Variants in PLA2G5 observed in about 807,000 individuals in gnomAD.
PLA2G5 encodes the protein Ca2+-dependent phospholipase A2.
PLA2G5 carries 12 observed loss-of-function variants against 15.9 expected under a neutral mutation model. The observed-to-expected ratio is 0.76, with a 90% CI of 0.48 to 1.23. PLA2G5 has a LOEUF of 1.23. Ranked by LOEUF, PLA2G5 falls within the 50% of genes most tolerant of loss-of-function variation. PLA2G5 has a pLI of 0.00. For synonymous variants in PLA2G5, 71 were observed against 71.4 expected (o/e 0.99, Z 0.03); for missense variants, 169 against 177.1 (o/e 0.95, Z 0.26).
In PLA2G5 at chr1:20,090,576, C is replaced by T. The variant is rs546917220; in HGVS notation, c.301C>T (p.Pro101Ser). The change falls in exon 5 of 5, where the codon CCC (proline) becomes TCC (serine). Residue 101 changes from proline to serine, a missense_variant. By Grantham distance (74) the Pro-to-Ser change is moderately conservative. Coordinates refer to ENST00000375108, the MANE Select transcript of PLA2G5 (RefSeq NM_000929.3). ...AWGVVTCEPG[P>S]FCHVNLCACD... is the part of the protein sequence containing the mutation. ...TTGGTGTCCTTTTGCAGAGCCCGGG[C>T]CCTTCTGCCATGTGAACCTCTGTGC... 6.2e-7 allele frequency: 1 copy of T among 1,614,076 alleles called. No homozygotes were observed. The highest frequency in any genetic ancestry group is 1.3e-5 in the African/African-American group (1 of 75,026).
intron 1 of PLA2G5, among the ~76,000 whole-genome samples, chr1:20,081,696 G>A (rs543861103): frequency 6.6e-6 from 1 of 151,916 alleles, no homozygotes; most frequent in African/African-American, 2.4e-5. Context: ...AAGGTGGCCC[G>A]GGTGTACCAA....
At chr1:20,048,493 C>T (rs2014028142) in intron 1 of PLA2G5, among the ~76,000 whole-genome samples, 2 of 152,202 alleles carry the variant, frequency 1.3e-5, no homozygotes, top group Admixed American at 6.5e-5. Flanking sequence ...AAACTAGCTA[C>T]ATCTTGAATT....
chr1:20,066,974 C>T (rs1394059825), upstream of PLA2G5, among the ~76,000 whole-genome samples: 1 of 150,218 alleles, frequency 6.7e-6, no homozygotes, highest in Non-Finnish European at 1.5e-5. Flanking sequence ...CCACTGCATT[C>T]CAGCCTGAGT....
intron 1 of PLA2G5, among the ~76,000 whole-genome samples, chr1:20,056,327 C>G (rs1412887120): frequency 6.6e-6 from 1 of 151,906 alleles, no homozygotes; most frequent in African/African-American, 2.4e-5. Context: ...CTGGCTGCAT[C>G]TAGTTGGCCA....
intron 1 of PLA2G5, among the ~76,000 whole-genome samples, chr1:20,039,691 A>G (rs1052460306): frequency 2.0e-5 from 3 of 152,018 alleles, no homozygotes; most frequent in Non-Finnish European, 4.4e-5. Context: ...GAGAGAGAGA[A>G]GCCATTTTTT....
upstream of PLA2G5, among the ~76,000 whole-genome samples, chr1:20,065,367 C>T (rs2014963989): frequency 1.3e-5 from 2 of 152,178 alleles, no homozygotes; most frequent in Admixed American, 6.5e-5. Context: ...TCCACCATCA[C>T]CATATCCTAC....
chr1:20,031,373 G>C (rs751006305), intron 1 of PLA2G5, among the ~76,000 whole-genome samples: 13 of 152,134 alleles, frequency 8.5e-5, no homozygotes, highest in Non-Finnish European at 1.8e-4. Context: ...CAGAGGCTGG[G>C]GGTGGAGACT....
chr1:20,031,707 C>T (rs940649222), intron 1 of PLA2G5, among the ~76,000 whole-genome samples: 1 of 151,894 alleles, frequency 6.6e-6, no homozygotes, highest in African/African-American at 2.4e-5. Context: ...ATTTGGTGCT[C>T]TTTTTAGTTT....
chr1:20,076,141 T>C (rs1239684540), intron 1 of PLA2G5, among the ~76,000 whole-genome samples: 1 of 152,144 alleles, frequency 6.6e-6, no homozygotes, highest in Non-Finnish European at 1.5e-5. Flanking sequence ...AAAGTGCTGG[T>C]ATTACAGGCA....
At chr1:20,071,331 C>T (rs1430713318) in intron 1 of PLA2G5, among the ~76,000 whole-genome samples, 1 of 152,142 alleles carries the variant, frequency 6.6e-6, no homozygotes, top group Non-Finnish European at 1.5e-5. Flanking sequence ...ATGCAGAGTG[C>T]TAGGTGCTGC....
At chr1:20,088,019 C>T (rs1340148407) in intron 3 of PLA2G5, among the ~76,000 whole-genome samples, 1 of 152,132 alleles carries the variant, frequency 6.6e-6, no homozygotes, top group Non-Finnish European at 1.5e-5. Context: ...CAGTCAAGAA[C>T]AAGGAAAGCA....
upstream of PLA2G5, among the ~76,000 whole-genome samples, chr1:20,067,267 T>C (rs1452136999): frequency 1.3e-5 from 2 of 152,118 alleles, no homozygotes; most frequent in East Asian, 3.9e-4. Flanking sequence ...ACTGAAGTAC[T>C]GAGATTACAG....
rs146947739 is a variant in PLA2G5, at chr1:20,039,123, C to A, written n.276+10414C>A. 1.2e-3 allele frequency among the ~76,000 whole-genome samples: 190 copies of A among 152,258 alleles called. 1 individual carries two copies. The highest frequency in any genetic ancestry group is 2.2e-3 in the Non-Finnish European group (149 of 68,028). On this transcript the variant is annotated intron_variant and non_coding_transcript_variant, in intron 1 of 6. Transcript: ENST00000460175. ...TCACTGTCTGTGGATGTAGGTTGTC[C>A]ATCGAGCAAGAATCTGTGACTGAGG... is the stretch of plus-strand genomic sequence containing the variant.
intron 1 of PLA2G5, among the ~76,000 whole-genome samples, chr1:20,047,015 A>G (rs569017965): frequency 1.3e-5 from 2 of 152,178 alleles, no homozygotes; most frequent in Non-Finnish European, 2.9e-5. Context: ...GAGAAAGGTC[A>G]TTTTGCTCCT....
upstream of PLA2G5, among the ~76,000 whole-genome samples, chr1:20,067,828 C>A (rs1172913048): frequency 1.3e-5 from 2 of 152,010 alleles, no homozygotes; most frequent in African/African-American, 4.8e-5. Context: ...ACATTAAAAT[C>A]AGAGGGGAGG....
intron 1 of PLA2G5, among the ~76,000 whole-genome samples, chr1:20,032,306 A>G (rs2012999652): frequency 6.6e-6 from 1 of 151,718 alleles, no homozygotes; most frequent in African/African-American, 2.4e-5. Context: ...TCCAAATGGG[A>G]GGATAATGCG....
chr1:20,076,774 G>C (rs1427622091), intron 1 of PLA2G5: 1 of 152,242 alleles, frequency 6.6e-6, no homozygotes, highest in East Asian at 1.9e-4. Flanking sequence ...ATGCCAGAGT[G>C]GACAGCATAT....
At chr1:20,031,921 G>C (rs1254467135) in intron 1 of PLA2G5, among the ~76,000 whole-genome samples, 1 of 152,114 alleles carries the variant, frequency 6.6e-6, no homozygotes, top group Non-Finnish European at 1.5e-5. Flanking sequence ...TTTGTGTACT[G>C]TCTTATTAGA....
intron 1 of PLA2G5, among the ~76,000 whole-genome samples, chr1:20,029,505 G>T (rs145255128): frequency 6.6e-6 from 1 of 152,114 alleles, no homozygotes; most frequent in Non-Finnish European, 1.5e-5. Context: ...CTAGCGTCCC[G>T]GGTTTTTATA....
Sources: gnomAD v4.1 joint callset for allele counts (sites outside exome capture counted in the v4.1 genomes callset) on GRCh38, gnomAD v4.1.1 for gene constraint, MANE v1.5 for transcripts, NCBI Gene and HGNC (gene_info 2026-07-23, HGNC 2026-07-21) for gene names.